Variants in CNTNAP2 observed in about 807,000 individuals in gnomAD.
CNTNAP2 encodes the protein contactin-associated protein-like 2.
A neutral mutation model predicts 155.2 loss-of-function variants in CNTNAP2; 98 were observed. The observed-to-expected ratio is 0.63, with a 90% CI of 0.54 to 0.75. The LOEUF (loss-of-function observed/expected upper bound fraction) is 0.75. CNTNAP2 is among the 30% of genes least tolerant of loss of function. The pLI, the probability that CNTNAP2 is intolerant of heterozygous loss-of-function variation, is 0.00. For missense variants in CNTNAP2, 1,727 were observed against 1,688.1 expected, an observed-to-expected ratio of 1.02 and a Z score of -0.40; for synonymous variants, 651 against 631.2, an observed-to-expected ratio of 1.03 and a Z score of -0.47.
chr7:146,641,121 T>C (rs1799698261), intron 1 of CNTNAP2, among the ~76,000 whole-genome samples: 1 of 152,010 alleles, frequency 6.6e-6, no homozygotes, highest in African/African-American at 2.4e-5. Flanking sequence ...GGTCAGGAGA[T>C]CGAGGCCATC....
intron 1 of CNTNAP2, among the ~76,000 whole-genome samples, chr7:146,307,667 A>G (rs557788651): frequency 5.3e-5 from 8 of 152,314 alleles, no homozygotes; most frequent in African/African-American, 1.7e-4. Flanking sequence ...GCCCTCAGAA[A>G]TACTACCACA....
intron 13 of CNTNAP2, among the ~76,000 whole-genome samples, chr7:147,857,969 C>G (rs1799068084): frequency 6.6e-6 from 1 of 152,212 alleles, no homozygotes; most frequent in Admixed American, 6.5e-5. Context: ...CCAGTTCTAA[C>G]TACACAGTAC....
intron 3 of CNTNAP2, among the ~76,000 whole-genome samples, chr7:146,975,251 A>C (rs1563028212): frequency 6.6e-6 from 1 of 152,054 alleles, no homozygotes. Context: ...GATCACCTGA[A>C]GTCAGGAGTT....
At chr7:146,540,899 C>T (rs530005162) in intron 1 of CNTNAP2, among the ~76,000 whole-genome samples, 1 of 152,128 alleles carries the variant, frequency 6.6e-6, no homozygotes, top group South Asian at 2.1e-4. Flanking sequence ...TGCAAATCCT[C>T]ATTTGACCTA....
intron 13 of CNTNAP2, among the ~76,000 whole-genome samples, chr7:147,671,208 A>G (rs546893631): frequency 2.6e-5 from 4 of 152,352 alleles, no homozygotes; most frequent in African/African-American, 7.2e-5. Context: ...TCTTTCCTGC[A>G]AGGAGTTGAC....
intron 8 of CNTNAP2, among the ~76,000 whole-genome samples, chr7:147,226,864 T>G (rs892387283): frequency 6.6e-6 from 1 of 152,242 alleles, no homozygotes; most frequent in Non-Finnish European, 1.5e-5. Flanking sequence ...TAACAAATAT[T>G]TATTTAGTGA....
At chr7:147,589,991 A>G (rs1408280683) in intron 12 of CNTNAP2, among the ~76,000 whole-genome samples, 2 of 152,180 alleles carry the variant, frequency 1.3e-5, no homozygotes, top group Non-Finnish European at 2.9e-5. Context: ...TATGGGCCTC[A>G]TATGGTTTCT....
chr7:146,286,378 G>A (rs141486236), intron 1 of CNTNAP2, among the ~76,000 whole-genome samples: 50 of 152,058 alleles, frequency 3.3e-4, no homozygotes, highest in African/African-American at 1.0e-3. Flanking sequence ...GTTGGTGACC[G>A]TGCAAAGCTA....
chr7:147,292,337 T>G (rs1251241209), intron 8 of CNTNAP2, among the ~76,000 whole-genome samples: 1 of 152,200 alleles, frequency 6.6e-6, no homozygotes, highest in East Asian at 1.9e-4. Flanking sequence ...AAAAAACAAT[T>G]GACTACCTAC....
chr7:147,514,223 T>C (rs1214823846), intron 11 of CNTNAP2, among the ~76,000 whole-genome samples: 1 of 152,190 alleles, frequency 6.6e-6, no homozygotes, highest in East Asian at 1.9e-4. Context: ...TATTGGTTTA[T>C]TCAGCTGTTT....
intron 4 of CNTNAP2, among the ~76,000 whole-genome samples, chr7:147,052,815 T>A (rs186370134): frequency 7.1e-4 from 108 of 152,150 alleles, no homozygotes; most frequent in African/African-American, 2.6e-3. Context: ...AAACTGATAA[T>A]TAATGAGGTA....
intron 1 of CNTNAP2, among the ~76,000 whole-genome samples, chr7:146,534,210 C>G (rs1797812857): frequency 6.6e-6 from 1 of 152,054 alleles, no homozygotes; most frequent in Admixed American, 6.6e-5. Flanking sequence ...ATATAGAATT[C>G]AAGCCTACAA....
chr7:147,752,251 T>C (rs1220942126), intron 13 of CNTNAP2, among the ~76,000 whole-genome samples: 1 of 152,210 alleles, frequency 6.6e-6, no homozygotes, highest in Non-Finnish European at 1.5e-5. Context: ...GTATAGTAAT[T>C]TGTTCTGTGC....
chr7:147,940,683 C>T (rs1800702893), intron 14 of CNTNAP2, among the ~76,000 whole-genome samples: 1 of 152,004 alleles, frequency 6.6e-6, no homozygotes, highest in Admixed American at 6.6e-5. Flanking sequence ...CACAGACAAG[C>T]GCCATCACAC....
At chr7:147,183,090 C>G (rs1480225594) in intron 8 of CNTNAP2, among the ~76,000 whole-genome samples, 1 of 151,644 alleles carries the variant, frequency 6.6e-6, no homozygotes, top group Non-Finnish European at 1.5e-5. Flanking sequence ...CTCTAACTGG[C>G]TAGCAGCTTA....
intron 13 of CNTNAP2, among the ~76,000 whole-genome samples, chr7:147,752,300 G>T (rs747321231): frequency 8.7e-5 from 12 of 138,668 alleles, no homozygotes; most frequent in Admixed American, 1.5e-4. Context: ...TTTCTGAAGG[G>T]TAACCTTCAA....
intron 1 of CNTNAP2, among the ~76,000 whole-genome samples, chr7:146,235,780 C>A (rs547177740): frequency 1.3e-5 from 2 of 152,120 alleles, no homozygotes; most frequent in Non-Finnish European, 2.9e-5. Flanking sequence ...TAGAGCATGA[C>A]AGTTCTGCTG....
chr7:147,653,571 A>G (rs1286280763), intron 13 of CNTNAP2, among the ~76,000 whole-genome samples: 2 of 152,164 alleles, frequency 1.3e-5, no homozygotes, highest in Non-Finnish European at 2.9e-5. Context: ...TCGATTTTGT[A>G]AGTAGGAGGG....
intron 16 of CNTNAP2, among the ~76,000 whole-genome samples, chr7:148,120,598 C>T: frequency 6.6e-6 from 1 of 152,162 alleles, no homozygotes; most frequent in Non-Finnish European, 1.5e-5. Context: ...ATCTTTAGAG[C>T]TGTCTTCAGA....
Sources: gnomAD v4.1 joint callset for allele counts (sites outside exome capture counted in the v4.1 genomes callset) on GRCh38, gnomAD v4.1.1 for gene constraint, MANE v1.5 for transcripts, NCBI Gene and HGNC (gene_info 2026-07-23, HGNC 2026-07-21) for gene names.